PARD3B: variants seen among roughly 807,000 people sequenced by gnomAD.
PARD3B encodes partitioning defective 3 homolog B.
In PARD3B, 103 loss-of-function variants were observed where a neutral mutation model predicts 130.2. The observed-to-expected ratio is 0.79, with a 90% confidence interval of 0.67 to 0.93. PARD3B has a LOEUF of 0.93. Among genes scored for constraint, PARD3B ranks in the 40% least tolerant of loss-of-function variants. PARD3B has a pLI of 0.00. For synonymous variants in PARD3B, 583 were observed against 553.2 expected (o/e 1.05, Z -0.76); for missense variants, 1,609 against 1,499.2 (o/e 1.07, Z -1.21).
intron 2 of PARD3B, among the ~76,000 whole-genome samples, chr2:204,917,409 A>G (rs1418412213): frequency 1.3e-5 from 2 of 152,150 alleles, no homozygotes; most frequent in South Asian, 2.1e-4. Flanking sequence ...TTCAGGATGG[A>G]TTGATTTATT....
At chr2:204,900,293 A>G (rs1345606776) in intron 2 of PARD3B, among the ~76,000 whole-genome samples, 1 of 151,622 alleles carries the variant, frequency 6.6e-6, no homozygotes. Flanking sequence ...GGTGTACTTC[A>G]TTGTTCTTTA....
In PARD3B at chr2:205,258,556, C is replaced by G. The variant is rs2040185401; in HGVS notation, c.2185+12734C>G. 1.3e-5 allele frequency among the ~76,000 whole-genome samples: 2 copies of G among 152,176 alleles called. No homozygotes were observed. On this transcript the variant is annotated intron_variant, in intron 16 of 22. Transcript: ENST00000406610. The surrounding 1 kb of genome is among the most constrained non-coding windows in gnomAD (Gnocchi z 4.9). ...TGTATGTAACCTACTGTCTGTTTCC[C>G]CTACCTCCAGAAGTGAGCTTCATGA...
chr2:205,396,887 T>C (rs2046050485), intron 18 of PARD3B, among the ~76,000 whole-genome samples: 1 of 152,304 alleles, frequency 6.6e-6, no homozygotes, highest in Admixed American at 6.5e-5. Flanking sequence ...AATGGGAAGA[T>C]AAACCTCCTC....
intron 21 of PARD3B, among the ~76,000 whole-genome samples, chr2:205,524,424 C>T (rs190344232): frequency 1.3e-5 from 2 of 152,236 alleles, no homozygotes; most frequent in East Asian, 3.9e-4. Context: ...AGCCAAAACC[C>T]TCAACAATAC....
chr2:205,012,900 C>G (rs1320340220), intron 3 of PARD3B, among the ~76,000 whole-genome samples: 2 of 152,184 alleles, frequency 1.3e-5, no homozygotes, highest in Non-Finnish European at 2.9e-5. Flanking sequence ...GAGAAACTGT[C>G]CTGAACTCCC....
intron 1 of PARD3B, among the ~76,000 whole-genome samples, chr2:204,613,952 G>A (rs2034019470): frequency 6.6e-6 from 1 of 152,084 alleles, no homozygotes; most frequent in African/African-American, 2.4e-5. Context: ...ATTTGAGTGA[G>A]TCTCTAGTCT....
intron 2 of PARD3B, among the ~76,000 whole-genome samples, chr2:204,780,836 C>T (rs1374740046): frequency 6.6e-6 from 1 of 151,770 alleles, no homozygotes; most frequent in Non-Finnish European, 1.5e-5. Flanking sequence ...AGAACATGTC[C>T]TTTTCCTTTT....
chr2:205,055,078 A>G (rs1699549220), intron 4 of PARD3B, among the ~76,000 whole-genome samples: 1 of 152,216 alleles, frequency 6.6e-6, no homozygotes, highest in South Asian at 2.1e-4. Context: ...TTTGTATTCA[A>G]GCCCCCAGGC....
chr2:204,664,320 GA>G lies in PARD3B; in HGVS notation c.121-21858del, dbSNP rs2035936536. Among the ~76,000 whole-genome samples the G allele has an allele frequency of 6.6e-6, 1 of 152,192 alleles. No homozygotes were observed. Among genetic ancestry groups the G allele is most frequent in the Admixed American group, 6.5e-5 (1 of 15,276 alleles). On this transcript the variant is annotated intron_variant, in intron 1 of 22. Coordinates refer to ENST00000406610, the MANE Select transcript of PARD3B (RefSeq NM_001302769.2). The surrounding 1 kb of genome is among the most constrained non-coding windows in gnomAD (Gnocchi z 5.2). ...TCTTTTTTGTTTTTCAAGTAATGGA[GA>G]AACCATATATTATTTTCATCTGGGA...
rs1336847041 is a variant in PARD3B at position 204,673,469 on chromosome 2, G to A, written c.121-12712G>A. On this transcript the variant is annotated intron_variant, in intron 1 of 22. Coordinates refer to ENST00000406610, the MANE Select transcript of PARD3B (RefSeq NM_001302769.2). The surrounding 1 kb of genome is among the most constrained non-coding windows in gnomAD (Gnocchi z 4.7). ...ACCAAGTTTATTCAACCTGACAAGC[G>A]AACTAGTTTTCCCACTCTCATATAA... 6.6e-6 allele frequency among the ~76,000 whole-genome samples: 1 copy of A among 152,146 alleles called. No individual in the cohort carries two copies. The highest frequency in any genetic ancestry group is 1.5e-5 in the Non-Finnish European group (1 of 68,016).
At chr2:205,613,282 CAT>C (rs752692397) in intron 22 of PARD3B, among the ~76,000 whole-genome samples, 14 of 152,326 alleles carry the variant, frequency 9.2e-5, no homozygotes, top group Middle Eastern at 3.4e-3. Context: ...AGAAAAACCA[CAT>C]GTTTCACTTC....
intron 1 of PARD3B, among the ~76,000 whole-genome samples, chr2:204,681,677 CTG>C (rs927630604): frequency 2.0e-5 from 3 of 152,124 alleles, no homozygotes; most frequent in Non-Finnish European, 4.4e-5. Flanking sequence ...CTGCACTGCT[CTG>C]TGGCTGGCTA....
At position 205,377,735 on chromosome 2, in the gene PARD3B, G is replaced by C. The variant is rs564740849; in HGVS notation, c.2631-23278G>C. Among the ~76,000 whole-genome samples the C allele has an allele frequency of 8.6e-5, 13 of 150,910 alleles. No homozygotes were observed. In the South Asian group the frequency reaches 2.7e-3, roughly 32 times the overall value. ...GGTCCCTCTAATCAGTTTTGATATC[G>C]AGACCAAGTATCACATGGTGTAATC... On this transcript the variant is annotated intron_variant, in intron 18 of 22. Coordinates refer to ENST00000406610, the MANE Select transcript of PARD3B (RefSeq NM_001302769.2).
chr2:205,556,794 C>T (rs1017253074), intron 22 of PARD3B, among the ~76,000 whole-genome samples: 2 of 152,178 alleles, frequency 1.3e-5, no homozygotes, highest in Non-Finnish European at 2.9e-5. Context: ...TTTATTCTTG[C>T]CTGACACCCT....
intron 4 of PARD3B, among the ~76,000 whole-genome samples, chr2:205,098,318 A>C (rs1313326702): frequency 2.6e-5 from 4 of 152,158 alleles, no homozygotes; most frequent in African/African-American, 9.7e-5. Context: ...GCTGCAGTTA[A>C]ATTTTATGGG....
chr2:204,693,090 A>T (rs910020387), intron 2 of PARD3B, among the ~76,000 whole-genome samples: 61 of 151,964 alleles, frequency 4.0e-4, no homozygotes, highest in African/African-American at 1.4e-3. Context: ...TCTTCCATTG[A>T]CATCCTTGTT....
At chr2:205,167,866 C>T in intron 11 of PARD3B, among the ~76,000 whole-genome samples, 1 of 152,146 alleles carries the variant, frequency 6.6e-6, no homozygotes, top group African/African-American at 2.4e-5. Flanking sequence ...CACAGGGTTG[C>T]TGTAAGAAAT....
chr2:204,958,723 G>A (rs942230407), intron 2 of PARD3B, among the ~76,000 whole-genome samples: 2 of 152,038 alleles, frequency 1.3e-5, no homozygotes, highest in African/African-American at 4.8e-5. Context: ...GGCATGTTAG[G>A]GATATTATCA....
intron 3 of PARD3B, among the ~76,000 whole-genome samples, chr2:204,972,344 G>A (rs1183344150): frequency 6.6e-6 from 1 of 151,972 alleles, no homozygotes; most frequent in Non-Finnish European, 1.5e-5. Context: ...TTTTAAATGA[G>A]ATATTACTTA....
Sources: allele counts gnomAD v4.1 joint callset (sites outside exome capture counted in the v4.1 genomes callset), GRCh38; gene constraint gnomAD v4.1.1; non-coding constraint Gnocchi (gnomAD v3.1); transcripts MANE v1.5; gene names NCBI Gene and HGNC (gene_info 2026-07-23, HGNC 2026-07-21).